Variants in CDIN1 observed in about 807,000 individuals in gnomAD.
CDIN1 encodes CDAN1-interacting nuclease 1.
A neutral mutation model predicts 45.3 loss-of-function variants in CDIN1; 33 were observed. The observed-to-expected ratio is 0.73, with a 90% CI of 0.55 to 0.97. CDIN1 has a LOEUF of 0.97. CDIN1 is among the 50% of genes least tolerant of loss of function. CDIN1 has a pLI of 0.00. For synonymous variants in CDIN1, 118 were observed against 124.4 expected (o/e 0.95, Z 0.34); for missense variants, 303 against 339.4 (o/e 0.89, Z 0.84).
chr15:36,788,089 TATATATATATA>T (rs2054538932), intron 10 of CDIN1, among the ~76,000 whole-genome samples: 1 of 35,630 alleles, frequency 2.8e-5, no homozygotes, highest in Non-Finnish European at 4.5e-5. Context: ...TATATATATA[TATATATATATA>T]TATATATTTT....
intron 10 of CDIN1, among the ~76,000 whole-genome samples, chr15:36,745,701 C>G (rs2044397043): frequency 6.6e-6 from 1 of 152,256 alleles, no homozygotes; most frequent in South Asian, 2.1e-4. Context: ...TGCAGTGGCT[C>G]ATGCCTGTAA....
chr15:36,579,953 G>T lies in CDIN1; in HGVS notation c.93G>T (p.Arg31Ser). 1.2e-6 allele frequency: 2 copies of T among 1,613,050 alleles called. No homozygotes were observed. Among genetic ancestry groups the T allele is most frequent in the Non-Finnish European group, 1.7e-6 (2 of 1,179,512 alleles). The change falls in exon 1 of 11, where the codon AGG (arginine) becomes AGT (serine). Residue 31 changes from arginine to serine, a missense_variant. By Grantham distance (110) the Arg-to-Ser change is moderately radical (BLOSUM62 -1). Coordinates refer to ENST00000566621, the MANE Select transcript of CDIN1 (RefSeq NM_001321759.2). The part of the protein sequence containing the change: ...TRQSLRKLKQ[R>S]FPSQSQATLL... ...AGAGCCTGAGGAAGCTGAAGCAGAG[G>T]TTTCCCAGGTAAGTGTCCATCTCTC...
intron 10 of CDIN1, among the ~76,000 whole-genome samples, chr15:36,776,148 G>A (rs2054211590): frequency 6.6e-6 from 1 of 152,238 alleles, no homozygotes; most frequent in Non-Finnish European, 1.5e-5. Flanking sequence ...CAGTTTTACA[G>A]TAGGTTTTTC....
intron 10 of CDIN1, among the ~76,000 whole-genome samples, chr15:36,782,776 T>G (rs938658670): frequency 6.6e-6 from 1 of 152,212 alleles, no homozygotes; most frequent in Non-Finnish European, 1.5e-5. Flanking sequence ...CTAAACACAA[T>G]AGCCATTTCC....
chr15:36,589,637 C>T (rs985722906), intron 1 of CDIN1, among the ~76,000 whole-genome samples: 1 of 152,112 alleles, frequency 6.6e-6, no homozygotes, highest in African/African-American at 2.4e-5. Flanking sequence ...TCCCGAGTAG[C>T]TGGGACTACA....
chr15:36,732,581 G>A (rs1295704458), intron 10 of CDIN1, among the ~76,000 whole-genome samples: 2 of 151,810 alleles, frequency 1.3e-5, no homozygotes, highest in African/African-American at 2.4e-5. Context: ...AGATTGAGTT[G>A]GTGTCTGAGA....
intron 1 of CDIN1, chr15:36,619,138 C>G: frequency 2.7e-6 from 3 of 1,110,750 alleles, no homozygotes; most frequent in Non-Finnish European, 4.0e-6. Context: ...CTTCTGAGGC[C>G]ATACCATTCC....
chr15:36,741,733 G>A (rs114208631), intron 10 of CDIN1, among the ~76,000 whole-genome samples: 5,518 of 152,056 alleles, frequency 0.036, 337 homozygotes, highest in African/African-American at 0.13. Flanking sequence ...TTTCTTCTGT[G>A]ATATCTGTGT....
chr15:36,684,387 G>T (rs922628437), intron 5 of CDIN1, among the ~76,000 whole-genome samples: 1 of 151,992 alleles, frequency 6.6e-6, no homozygotes, highest in Non-Finnish European at 1.5e-5. Flanking sequence ...TTATTGATTT[G>T]CATATATTGA....
rs576711606 is a variant in CDIN1 at position 36,631,011 on chromosome 15, G to A, written c.102-13267G>A. Among the ~76,000 whole-genome samples the A allele has an allele frequency of 3.9e-5, 6 of 152,300 alleles. No homozygotes were observed. In the East Asian group the frequency reaches 7.7e-4, roughly 20 times the overall value. On this transcript the variant is annotated intron_variant, in intron 1 of 10. Coordinates refer to ENST00000566621, the MANE Select transcript of CDIN1 (RefSeq NM_001321759.2). Reference sequence around the variant, plus strand: ...CACCGGTAACCAACCTTCAACATGAGATTTGGAGGAGGTCAAGTAAACCAA... The same window carrying A: ...CACCGGTAACCAACCTTCAACATGAAATTTGGAGGAGGTCAAGTAAACCAA...
chr15:36,604,384 A>G (rs1052704986), intron 1 of CDIN1, among the ~76,000 whole-genome samples: 4 of 145,300 alleles, frequency 2.8e-5, no homozygotes, highest in African/African-American at 1.0e-4. Context: ...AAAAATTATC[A>G]ATTCCATAAT....
chr15:36,808,476 G>A lies in CDIN1; in HGVS notation c.*23G>A, dbSNP rs1380955666. The stretch of plus-strand genomic sequence containing the variant: ...TGACCCTGAAGATCCTGGAAGAGAA[G>A]CTGGGAGGAAAAGGTGAATCCGGAA... On this transcript the variant is annotated 3_prime_UTR_variant, in exon 11 of 11. Coordinates refer to ENST00000566621, the MANE Select transcript of CDIN1 (RefSeq NM_001321759.2). The A allele has an allele frequency of 1.2e-6, 2 of 1,612,356 alleles. No individual in the cohort carries two copies. The highest frequency in any genetic ancestry group is 1.3e-5 in the African/African-American group (1 of 74,892).
chr15:36,807,205 T>G (rs2055257469), intron 10 of CDIN1, among the ~76,000 whole-genome samples: 2 of 152,224 alleles, frequency 1.3e-5, no homozygotes, highest in African/African-American at 2.4e-5. Context: ...CAGCCCATCC[T>G]GTATTGTTAG....
chr15:36,587,923 G>C (rs140806884), intron 1 of CDIN1, among the ~76,000 whole-genome samples: 6 of 152,060 alleles, frequency 3.9e-5, no homozygotes, highest in Non-Finnish European at 7.4e-5. Flanking sequence ...CTGTGGTGAC[G>C]GTGAAGTGAG....
intron 10 of CDIN1, among the ~76,000 whole-genome samples, chr15:36,718,652 C>G (rs1017962650): frequency 6.6e-6 from 1 of 151,854 alleles, no homozygotes; most frequent in Non-Finnish European, 1.5e-5. Flanking sequence ...TTGTTCATTG[C>G]TACTATAGAG....
chr15:36,767,161 A>G (rs1356601439), intron 10 of CDIN1, among the ~76,000 whole-genome samples: 10 of 112,182 alleles, frequency 8.9e-5, no homozygotes, highest in African/African-American at 1.1e-4. Context: ...GGGATGTCCA[A>G]TTTTCCCAGC....
At chr15:36,769,122 C>T (rs759466) in intron 10 of CDIN1, among the ~76,000 whole-genome samples, 150,965 of 152,340 alleles carry the variant, frequency 0.99, 74,825 homozygotes, top group Middle Eastern at 1. Context: ...ATGTAGCTAA[C>T]ATTGAATATG....
At chr15:36,687,039 G>T (rs2042084565) in intron 5 of CDIN1, among the ~76,000 whole-genome samples, 1 of 150,302 alleles carries the variant, frequency 6.7e-6, no homozygotes. Flanking sequence ...AGGGAGGGAG[G>T]GAGGGAGGGA....
intron 10 of CDIN1, among the ~76,000 whole-genome samples, chr15:36,742,619 G>A (rs2044279152): frequency 6.6e-6 from 1 of 152,146 alleles, no homozygotes; most frequent in South Asian, 2.1e-4. Context: ...TGCTTGAGTT[G>A]AGACCTCCTT....
Sources: gnomAD v4.1 joint callset for allele counts (sites outside exome capture counted in the v4.1 genomes callset) on GRCh38, gnomAD v4.1.1 for gene constraint, MANE v1.5 for transcripts, NCBI Gene and HGNC (gene_info 2026-07-23, HGNC 2026-07-21) for gene names.